TFAP2D: variants seen among roughly 807,000 people sequenced by gnomAD.
The protein encoded by TFAP2D is transcription factor AP-2-delta.
A neutral mutation model predicts 43.6 loss-of-function variants in TFAP2D; 9 were observed. That is an observed-to-expected ratio of 0.21 (90% CI 0.12 to 0.36). The LOEUF (loss-of-function observed/expected upper bound fraction) is 0.36, where lower values mean the gene tolerates loss of function less well. Among genes scored for constraint, TFAP2D ranks in the 10% least tolerant of loss-of-function variants. The probability of loss-of-function intolerance (pLI) is 1.00; values close to 1 mark genes in which losing one functional copy is unlikely to be tolerated. For missense variants in TFAP2D, 513 were observed against 561.4 expected, an observed-to-expected ratio of 0.91 and a Z score of 0.87; for synonymous variants, 256 against 224.9, an observed-to-expected ratio of 1.14 and a Z score of -1.24.
intron 7 of TFAP2D, among the ~76,000 whole-genome samples, chr6:50,759,781 A>G (rs536418337): frequency 1.3e-5 from 2 of 152,146 alleles, no homozygotes; most frequent in East Asian, 1.9e-4. Context: ...TGCTTTGCTA[A>G]TGAGCTGAAC....
intron 5 of TFAP2D, among the ~76,000 whole-genome samples, chr6:50,731,462 A>ACG (rs1010003856): frequency 6.6e-6 from 1 of 151,942 alleles, no homozygotes; most frequent in African/African-American, 2.4e-5. Context: ...ACACACACAC[A>ACG]CACACACACA....
At chr6:50,738,940 T>C (rs1768999770) in intron 5 of TFAP2D, among the ~76,000 whole-genome samples, 1 of 152,168 alleles carries the variant, frequency 6.6e-6, no homozygotes, top group Non-Finnish European at 1.5e-5. Flanking sequence ...AGATGTGCAG[T>C]TCATCCTCAC....
In TFAP2D at chr6:50,713,984, G is replaced by A; in HGVS notation, c.-72G>A. On this transcript the variant is annotated 5_prime_UTR_variant, in exon 1 of 8. Coordinates refer to ENST00000008391, the MANE Select transcript of TFAP2D (RefSeq NM_172238.4). ...CTTTAAAAATTGGAAAATACAAGAAGTTTGGATTTTTTTTTCCCGATTCTT... is the reference window on the plus strand; with the variant it reads ...CTTTAAAAATTGGAAAATACAAGAAATTTGGATTTTTTTTTCCCGATTCTT... The A allele has an allele frequency of 6.3e-7, 1 of 1,595,138 alleles. No homozygotes were observed. The highest frequency in any genetic ancestry group is 8.6e-7 in the Non-Finnish European group (1 of 1,168,016).
In TFAP2D at chr6:50,728,837, A is replaced by G; in HGVS notation, c.599-19A>G. ...TCTTTCACTGTCACTAACATGTTAT[A>G]TACTTTTTTTCTCCCAAGGTGGCAC... On this transcript the variant is annotated intron_variant, in intron 3 of 7. Coordinates refer to ENST00000008391, the MANE Select transcript of TFAP2D (RefSeq NM_172238.4). The G allele has an allele frequency of 6.2e-7, 1 of 1,612,930 alleles. No homozygotes were observed. The highest frequency in any genetic ancestry group is 8.5e-7 in the Non-Finnish European group (1 of 1,179,394).
At chr6:50,748,738 T>G (rs1199059952) in intron 6 of TFAP2D, among the ~76,000 whole-genome samples, 2 of 151,930 alleles carry the variant, frequency 1.3e-5, no homozygotes, top group African/African-American at 4.8e-5. Context: ...TTGATTGAAT[T>G]TAGAACTAAA....
At chr6:50,716,137 T>C (rs1768624412) in intron 2 of TFAP2D, among the ~76,000 whole-genome samples, 1 of 152,084 alleles carries the variant, frequency 6.6e-6, no homozygotes, top group Admixed American at 6.5e-5. Flanking sequence ...TCTAAGGAAA[T>C]TGTTGGGACC....
chr6:50,719,266 C>T (rs2114029404), intron 3 of TFAP2D, 116 bp downstream of exon 3: 2 of 1,091,716 alleles, frequency 1.8e-6, no homozygotes, highest in South Asian at 1.4e-5. Flanking sequence ...AACAATTATG[C>T]TTAGTCAATT....
chr6:50,753,449 AC>A (rs1325864003), intron 7 of TFAP2D, among the ~76,000 whole-genome samples: 3 of 151,700 alleles, frequency 2.0e-5, no homozygotes, highest in African/African-American at 7.3e-5. Flanking sequence ...GTGCCACAGA[AC>A]TCTTTAGAGA....
intron 7 of TFAP2D, among the ~76,000 whole-genome samples, chr6:50,763,126 C>T (rs1769388669): frequency 6.6e-6 from 1 of 152,018 alleles, no homozygotes; most frequent in African/African-American, 2.4e-5. Flanking sequence ...GATTTTGGCC[C>T]AACAATTAAG....
rs752197212 is a variant in TFAP2D, at chr6:50,715,348, C to G, written c.272C>G (p.Ser91Cys). The change falls in exon 2 of 8, where the codon TCT (serine) becomes TGT (cysteine). Residue 91 changes from serine (S) to cysteine (C), a missense_variant. Physicochemically the swap from Ser to Cys is moderately radical, Grantham distance 112 (BLOSUM62 -1). Around this residue, in one of 3 missense-constraint regions of TFAP2D, gnomAD observed 311 missense variants for 316.2 expected, o/e 0.98. Coordinates refer to ENST00000008391, the MANE Select transcript of TFAP2D (RefSeq NM_172238.4). ...SHPAVTPDAYSLNSLHHSQQY... is the reference protein window; with the variant it reads ...SHPAVTPDAYCLNSLHHSQQY... ...CCGGCCGTCACCCCCGACGCCTACT[C>G]TCTGAACTCTCTCCACCACTCGCAA... The G allele has an allele frequency of 6.2e-7, 1 of 1,614,188 alleles. No homozygotes were observed. The highest frequency in any genetic ancestry group is 1.7e-5 in the Admixed American group (1 of 60,024).
At chr6:50,763,061 G>C (rs1410035802) in intron 7 of TFAP2D, among the ~76,000 whole-genome samples, 1 of 152,084 alleles carries the variant, frequency 6.6e-6, no homozygotes, top group Non-Finnish European at 1.5e-5. Context: ...ACACTAATTT[G>C]CTTTTTACCC....
At chr6:50,717,385 C>G (rs959403302) in intron 2 of TFAP2D, among the ~76,000 whole-genome samples, 4 of 152,180 alleles carry the variant, frequency 2.6e-5, no homozygotes, top group Non-Finnish European at 5.9e-5. Flanking sequence ...AACCAAGATT[C>G]GTTTCTTCTA....
intron 3 of TFAP2D, among the ~76,000 whole-genome samples, chr6:50,719,516 C>T (rs1768686435): frequency 6.8e-6 from 1 of 148,040 alleles, no homozygotes; most frequent in Non-Finnish European, 1.5e-5. Context: ...TTCTCACACC[C>T]TCTTCCCCCA....
At chr6:50,714,124 T>TC in intron 1 of TFAP2D, 30 bp downstream of exon 1, 2 of 1,460,270 alleles carry the variant, frequency 1.4e-6, no homozygotes, top group Middle Eastern at 1.9e-4. Context: ...TTTTTTTTTT[T>TC]GAGCGCGCGT....
chr6:50,733,386 C>G (rs1030530646), intron 5 of TFAP2D, among the ~76,000 whole-genome samples: 1 of 152,042 alleles, frequency 6.6e-6, no homozygotes, highest in African/African-American at 2.4e-5. Context: ...TTACATTGCT[C>G]TCATCCATTC....
chr6:50,749,969 G>A (rs547084209), intron 6 of TFAP2D, among the ~76,000 whole-genome samples: 34 of 151,930 alleles, frequency 2.2e-4, no homozygotes, highest in African/African-American at 8.0e-4. Context: ...GGCAATTTCT[G>A]TGAAATGACA....
intron 7 of TFAP2D, among the ~76,000 whole-genome samples, chr6:50,754,379 T>A (rs976660677): frequency 6.6e-6 from 1 of 151,820 alleles, no homozygotes; most frequent in African/African-American, 2.4e-5. Flanking sequence ...TATGTGCCTA[T>A]ATATGCCACA....
intron 5 of TFAP2D, among the ~76,000 whole-genome samples, chr6:50,741,469 G>A (rs2113880622): frequency 6.6e-6 from 1 of 152,052 alleles, no homozygotes; most frequent in African/African-American, 2.4e-5. Flanking sequence ...CCCTGTATGT[G>A]TTGCTCCTTT....
intron 2 of TFAP2D, chr6:50,718,153 T>C (rs1221138424): frequency 3.9e-5 from 6 of 152,064 alleles, no homozygotes; most frequent in Admixed American, 3.9e-4. Flanking sequence ...TGATAATCAC[T>C]TTAAGGCAGA....
Sources: gnomAD v4.1 joint callset for allele counts (sites outside exome capture counted in the v4.1 genomes callset) on GRCh38, gnomAD v4.1.1 for gene constraint, gnomAD v4.1.1 regional missense constraint, MANE v1.5 for transcripts, NCBI Gene and HGNC (gene_info 2026-07-23, HGNC 2026-07-21) for gene names.